Variants in CCDC73 observed in about 807,000 individuals in gnomAD.
CCDC73 encodes the protein coiled-coil domain-containing protein 73.
In CCDC73, 95 loss-of-function variants were observed where a neutral mutation model predicts 116.5. That is an observed-to-expected ratio of 0.82 (90% CI 0.69 to 0.97). The LOEUF is 0.97. Among genes scored for constraint, CCDC73 ranks in the 50% least tolerant of loss-of-function variants. The probability of loss-of-function intolerance (pLI) is 0.00; values close to 1 mark genes in which losing one functional copy is unlikely to be tolerated. For missense variants in CCDC73, 1,066 were observed against 1,206.8 expected, an observed-to-expected ratio of 0.88 and a Z score of 1.73; for synonymous variants, 398 against 401.3, an observed-to-expected ratio of 0.99 and a Z score of 0.10.
At chr11:32,779,950 C>T (rs1457726708) in intron 1 of CCDC73, among the ~76,000 whole-genome samples, 1 of 151,950 alleles carries the variant, frequency 6.6e-6, no homozygotes. Flanking sequence ...AAGTGAACAC[C>T]TCAATGGTAA....
intron 2 of CCDC73, among the ~76,000 whole-genome samples, chr11:32,748,234 A>G (rs1316024892): frequency 1.4e-5 from 2 of 145,430 alleles, no homozygotes; most frequent in Non-Finnish European, 3.0e-5. Context: ...CTTTCTTTCA[A>G]TGAAGGTGAT....
chr11:32,802,828 C>T, the CCDC73 span, among the ~76,000 whole-genome samples: 1 of 152,160 alleles, frequency 6.6e-6, no homozygotes, highest in African/African-American at 2.4e-5. Context: ...TCTCAGCTCA[C>T]TGCAGCCTCT....
chr11:32,613,695 CAG>C lies in CCDC73; in HGVS notation c.2621_2622del (p.Ser874TrpfsTer13), dbSNP rs1355770815. 7 of 1,613,964 alleles carry C rather than the reference CAG, an allele frequency of 4.3e-6. No homozygotes were observed. The highest frequency in any genetic ancestry group is 5.9e-6 in the Non-Finnish European group (7 of 1,180,002). ...EESHSFHIEP[S>X]GDLVNRSGRS... Reference sequence around the variant, plus strand: ...CTTCCGCTTCTGTTTACTAAATCTCCAGATGGCTCTATGTGAAATGAATGTGA... The same window carrying C: ...CTTCCGCTTCTGTTTACTAAATCTCCATGGCTCTATGTGAAATGAATGTGA... On this transcript the variant is annotated frameshift_variant, in exon 16 of 18. Coordinates refer to ENST00000335185, the MANE Select transcript of CCDC73 (RefSeq NM_001008391.4). LOFTEE classifies it high-confidence loss of function.
chr11:32,740,238 T>A (rs1378483253), intron 2 of CCDC73, among the ~76,000 whole-genome samples: 2 of 151,816 alleles, frequency 1.3e-5, no homozygotes, highest in African/African-American at 2.4e-5. Flanking sequence ...CTGCCTCTAC[T>A]TTTTTTTGGA....
intron 2 of CCDC73, among the ~76,000 whole-genome samples, chr11:32,733,454 G>C (rs553079124): frequency 6.6e-6 from 1 of 152,108 alleles, no homozygotes; most frequent in African/African-American, 2.4e-5. Context: ...ACCCCAAATC[G>C]ACATAATATA....
At chr11:32,678,259 C>T (rs866839119) in intron 7 of CCDC73, among the ~76,000 whole-genome samples, 3 of 151,782 alleles carry the variant, frequency 2.0e-5, no homozygotes, top group South Asian at 2.1e-4. Flanking sequence ...AGCCTGGGCA[C>T]TAGAGTGAGA....
the CCDC73 span, among the ~76,000 whole-genome samples, chr11:32,811,081 A>C: frequency 6.6e-6 from 1 of 151,368 alleles, no homozygotes; most frequent in Non-Finnish European, 1.5e-5. Context: ...CAACAACAAA[A>C]AAAAAAAACC....
At chr11:32,670,664 A>G (rs2133282427) in intron 9 of CCDC73, among the ~76,000 whole-genome samples, 1 of 152,314 alleles carries the variant, frequency 6.6e-6, no homozygotes, top group East Asian at 1.9e-4. Flanking sequence ...TTCTCTACAT[A>G]AAGATTGGTT....
Position 32,611,209 on chromosome 11 carries a change from C to G in CCDC73, c.2953G>C (p.Asp985His). The G allele has an allele frequency of 1.2e-6, 2 of 1,613,514 alleles. No homozygotes were observed. Among genetic ancestry groups the G allele is most frequent in the Non-Finnish European group, 1.7e-6 (2 of 1,179,504 alleles). The change falls in exon 17 of 18, where the codon GAT becomes CAT. Residue 985 changes from aspartate to histidine, a missense_variant. Physicochemically the swap from Asp to His is moderately conservative, Grantham distance 81. Coordinates refer to ENST00000335185, the MANE Select transcript of CCDC73 (RefSeq NM_001008391.4). ...DTLNNWSIHPDPKGEPSEEKN... is the reference protein window; with the variant it reads ...DTLNNWSIHPHPKGEPSEEKN... ...TCTTCACTGGGTTCTCCCTTGGGAT[C>G]TGGATGGATACTCCAGTTATTCAAA... is the stretch of plus-strand genomic sequence containing the variant.
intron 2 of CCDC73, among the ~76,000 whole-genome samples, chr11:32,751,690 T>C (rs1850288684): frequency 6.6e-6 from 1 of 152,160 alleles, no homozygotes; most frequent in Non-Finnish European, 1.5e-5. Flanking sequence ...TTCAAGACTG[T>C]CTTTCCAACT....
Position 32,699,300 on chromosome 11 carries a change from A to T in CCDC73, c.341T>A (p.Ile114Lys). The change falls in exon 6 of 18, where the codon ATA becomes AAA. Residue 114 changes from isoleucine to lysine, a missense_variant. Physicochemically the swap from Ile to Lys is moderately radical, Grantham distance 102. Coordinates refer to ENST00000335185, the MANE Select transcript of CCDC73 (RefSeq NM_001008391.4). ...CAATCCTTCTATTTCTTTTTCCTTT[A>T]TTTCTGTAGCAAGTTGATATTTTCC... ...EKGKYQLATE[I>K]KEKEIEGLKE... 6.3e-7 allele frequency: 1 copy of T among 1,577,750 alleles called. No individual in the cohort carries two copies.
intron 1 of CCDC73, among the ~76,000 whole-genome samples, chr11:32,791,550 T>C (rs1283681372): frequency 2.0e-5 from 3 of 152,224 alleles, no homozygotes; most frequent in Non-Finnish European, 2.9e-5. Context: ...CTGGGGAACA[T>C]GTATTCCAAA....
intron 2 of CCDC73, among the ~76,000 whole-genome samples, chr11:32,737,719 T>C (rs1479594372): frequency 1.3e-5 from 2 of 152,170 alleles, no homozygotes; most frequent in African/African-American, 2.4e-5. Context: ...CTCAGTTATC[T>C]TTAAATGTAC....
rs377385906 is a variant in CCDC73 at position 32,675,935 on chromosome 11, T to A, written c.516A>T (p.Thr172=). The change falls in exon 8 of 18, where the codon ACA becomes ACT. Residue 172 remains threonine, a synonymous_variant. Coordinates refer to ENST00000335185, the MANE Select transcript of CCDC73 (RefSeq NM_001008391.4). ...TCTCTTTTACCAATCCAAATTGACCTGTTATTGTGGCATAATATTTCTCAA... is the reference window on the plus strand; with the variant it reads ...TCTCTTTTACCAATCCAAATTGACCAGTTATTGTGGCATAATATTTCTCAA... ...SEIEKYYATI[T]GQFGLVKENH... is the part of the protein sequence containing the mutation. 1.2e-6 allele frequency: 2 copies of A among 1,609,370 alleles called. No homozygotes were observed. Among genetic ancestry groups the A allele is most frequent in the African/African-American group, 1.3e-5 (1 of 74,798 alleles).
At chr11:32,718,650 G>A (rs1188635162) in intron 2 of CCDC73, among the ~76,000 whole-genome samples, 4 of 152,080 alleles carry the variant, frequency 2.6e-5, no homozygotes, top group Non-Finnish European at 5.9e-5. Context: ...TTCCTCTACA[G>A]ATCAAAACCC....
At chr11:32,715,790 CTGTT>C (rs982530885) in intron 3 of CCDC73, among the ~76,000 whole-genome samples, 11 of 152,196 alleles carry the variant, frequency 7.2e-5, no homozygotes, top group East Asian at 1.9e-4. Flanking sequence ...AATTATATCA[CTGTT>C]TGTTTCAGGC....
chr11:32,746,379 T>A (rs1209685274), intron 2 of CCDC73, among the ~76,000 whole-genome samples: 1 of 152,210 alleles, frequency 6.6e-6, no homozygotes, highest in Non-Finnish European at 1.5e-5. Context: ...CATTTCAACC[T>A]TGGTGAATTT....
chr11:32,722,916 G>A (rs1850002439), intron 2 of CCDC73, among the ~76,000 whole-genome samples: 1 of 152,132 alleles, frequency 6.6e-6, no homozygotes, highest in Non-Finnish European at 1.5e-5. Context: ...AGGGTAAATA[G>A]CTTGGCTAAA....
chr11:32,786,882 C>G (rs1218504108), intron 1 of CCDC73, among the ~76,000 whole-genome samples: 2 of 152,096 alleles, frequency 1.3e-5, no homozygotes, highest in African/African-American at 4.8e-5. Flanking sequence ...GTCTTCTCAT[C>G]ATGCCTGACT....
Sources: gnomAD v4.1 joint callset for allele counts (sites outside exome capture counted in the v4.1 genomes callset) on GRCh38, gnomAD v4.1.1 for gene constraint, MANE v1.5 for transcripts, NCBI Gene and HGNC (gene_info 2026-07-23, HGNC 2026-07-21) for gene names.